CNOT1: variants seen among roughly 807,000 people sequenced by gnomAD.
CNOT1 encodes CCR4-NOT transcription complex subunit 1.
A neutral mutation model predicts 273.8 loss-of-function variants in CNOT1; 15 were observed. The observed-to-expected ratio is 0.05, with a 90% CI of 0.04 to 0.08. The LOEUF is 0.08. Among genes scored for constraint, CNOT1 ranks in the 10% least tolerant of loss-of-function variants. The pLI, the probability that CNOT1 is intolerant of heterozygous loss-of-function variation, is 1.00. For missense variants in CNOT1, 1,644 were observed against 2,912.2 expected (o/e 0.56, Z 10.02); for synonymous variants, 1,022 against 1,005.5 (o/e 1.02, Z -0.31).
intron 1 of CNOT1, 94 bp downstream of exon 1, chr16:58,629,634 C>T (rs1184886356): frequency 6.5e-6 from 1 of 152,768 alleles, no homozygotes; most frequent in African/African-American, 2.4e-5. Flanking sequence ...TTCCAGTGGC[C>T]CCAGGTCCAC....
At chr16:58,527,556 A>G (rs1406730864) in intron 44 of CNOT1, among the ~76,000 whole-genome samples, 1 of 152,064 alleles carries the variant, frequency 6.6e-6, no homozygotes, top group Non-Finnish European at 1.5e-5. Context: ...CAAATAAATA[A>G]TAATACAACA....
intron 1 of CNOT1, among the ~76,000 whole-genome samples, chr16:58,608,899 G>C (rs929628868): frequency 6.6e-6 from 1 of 152,218 alleles, no homozygotes; most frequent in African/African-American, 2.4e-5. Context: ...TCACTCATAA[G>C]TGGGAGCTAA....
At chr16:58,528,161 C>T (rs556427858) in intron 44 of CNOT1, 2 of 515,456 alleles carry the variant, frequency 3.9e-6, no homozygotes, top group African/African-American at 1.9e-5. Flanking sequence ...AATTCTTTGC[C>T]ATGTGGGGCA....
chr16:58,590,936 CAA>C (rs1259504187), intron 2 of CNOT1, among the ~76,000 whole-genome samples: 2 of 152,184 alleles, frequency 1.3e-5, no homozygotes, highest in Admixed American at 6.5e-5. Flanking sequence ...CAAATTCTCA[CAA>C]AGTCAATTTT....
At position 58,604,255 on chromosome 16, in the gene CNOT1, TAACACA is replaced by T. The variant is rs1406529994; in HGVS notation, c.-174-4750_-174-4745del. On this transcript the variant is annotated intron_variant, in intron 1 of 48. Coordinates refer to ENST00000317147, the MANE Select transcript of CNOT1 (RefSeq NM_016284.5). The stretch of plus-strand genomic sequence containing the variant: ...ATTTATAGGCCATTTTTAAATACTG[TAACACA>T]AAGCTATAGTCACTTTCCAACAAGT... Among the ~76,000 whole-genome samples the T allele has an allele frequency of 2.0e-5, 3 of 152,270 alleles. No homozygotes were observed. The East Asian group carries it at 5.8e-4, about 29-fold the overall frequency.
In CNOT1 at chr16:58,547,129, C is replaced by A; in HGVS notation, c.3750+57G>T. The stretch of plus-strand genomic sequence containing the variant: ...AAGAATATAATCTCTTGACCTCATG[C>A]TAAAACAAAGCAATGCTTAGAAATT... On this transcript the variant is annotated intron_variant, in intron 27 of 48. Transcript: ENST00000317147. This position sits in a 1 kb window ranked among gnomAD's most constrained non-coding sequence, Gnocchi z 4.0. 1 of 1,578,872 alleles carries A rather than the reference C, an allele frequency of 6.3e-7. No homozygotes were observed. The highest frequency in any genetic ancestry group is 8.6e-7 in the Non-Finnish European group (1 of 1,161,720).
chr16:58,580,204 C>T (rs1344098004), intron 12 of CNOT1, among the ~76,000 whole-genome samples: 1 of 151,786 alleles, frequency 6.6e-6, no homozygotes, highest in African/African-American at 2.4e-5. Context: ...TGCACTCCAG[C>T]CTGGGCAACA....
chr16:58,585,600 A>T, intron 7 of CNOT1, 94 bp from the exon 8 acceptor site: 1 of 1,482,692 alleles, frequency 6.7e-7, no homozygotes, highest in Non-Finnish European at 8.9e-7. Context: ...CAATTCTCTC[A>T]CAAGTTCATA....
chr16:58,579,978 G>C (rs578229045), intron 12 of CNOT1, among the ~76,000 whole-genome samples: 83 of 152,282 alleles, frequency 5.5e-4, no homozygotes, highest in African/African-American at 1.9e-3. Context: ...GAGAGACCGA[G>C]GCGGATGGAT....
chr16:58,562,184 CAAAA>C, intron 16 of CNOT1, among the ~76,000 whole-genome samples: 1 of 139,712 alleles, frequency 7.2e-6, no homozygotes, highest in African/African-American at 2.6e-5. Context: ...GACTCCGTAT[CAAAA>C]AAAAAAAAAG....
intron 1 of CNOT1, among the ~76,000 whole-genome samples, chr16:58,626,279 G>A (rs944918475): frequency 6.6e-6 from 1 of 151,810 alleles, no homozygotes; most frequent in African/African-American, 2.4e-5. Flanking sequence ...GTGGTGGCAG[G>A]CACCTGTAAT....
rs190022788 is a variant in CNOT1, at chr16:58,604,444, T to C, written c.-174-4933A>G. On this transcript the variant is annotated intron_variant, in intron 1 of 48. Transcript: ENST00000317147. ...GCTCTTTACATGCCAGGGACTCAGA[T>C]AGTTTTAATGATTAACTTCATATCC... 8.4e-4 allele frequency among the ~76,000 whole-genome samples: 128 copies of C among 152,152 alleles called. No homozygotes were observed. In the East Asian group the frequency reaches 0.017, roughly 20 times the overall value.
chr16:58,579,592 A>C (rs2041583543), intron 12 of CNOT1, among the ~76,000 whole-genome samples: 1 of 152,200 alleles, frequency 6.6e-6, no homozygotes, highest in African/African-American at 2.4e-5. Flanking sequence ...CTAAGAAAAG[A>C]ACACACCACC....
chr16:58,528,709 A>G lies in CNOT1; in HGVS notation c.6280-61T>C. ...AAGGAAAATGGAGTAACATTTTCCT[A>G]TTGTAACTTAAGCCCCCCACCCCCC... On this transcript the variant is annotated intron_variant, in intron 43 of 48. Coordinates refer to ENST00000317147, the MANE Select transcript of CNOT1 (RefSeq NM_016284.5). 10 of 1,248,012 alleles carry G rather than the reference A, an allele frequency of 8.0e-6. No individual in the cohort carries two copies. In the South Asian group the frequency reaches 1.4e-4, roughly 18 times the overall value. The allele number at this position is 1,248,012 out of a possible 1,614,324, so 77.3% of individuals were successfully genotyped here.
intron 46 of CNOT1, chr16:58,523,738 C>G: frequency 2.8e-6 from 1 of 355,594 alleles, no homozygotes; most frequent in Non-Finnish European, 5.1e-6. Flanking sequence ...CCACTATGTG[C>G]TAATGTAAGA....
In CNOT1 at chr16:58,534,353, T is replaced by C. The variant is rs1274958523; in HGVS notation, c.5689A>G (p.Arg1897Gly). The C allele has an allele frequency of 6.2e-7, 1 of 1,614,158 alleles. No homozygotes were observed. Among genetic ancestry groups the C allele is most frequent in the Non-Finnish European group, 8.5e-7 (1 of 1,180,034 alleles). Residue 1897 changes from arginine to glycine, a missense_variant, in exon 40 of 49, where the codon AGG (arginine) becomes GGG (glycine). By Grantham distance (125) the Arg-to-Gly change is moderately radical (BLOSUM62 -2). This residue lies in a region of CNOT1 where 133 missense variants were observed against 328.2 expected (regional missense o/e 0.41). Transcript: ENST00000317147. The part of the protein sequence containing the change: ...GILKTDDLIT[R>G]FFRLCTEMCV... ...ATTTCAGTACACAGACGAAAGAACC[T>C]TGTTATGAGATCATCGGTCTTCAGT... is the stretch of plus-strand genomic sequence containing the variant.
At chr16:58,521,068 T>C (rs2039350630) in intron 48 of CNOT1, 32 bp from the exon 49 acceptor site, 1 of 1,613,920 alleles carries the variant, frequency 6.2e-7, no homozygotes, top group African/African-American at 1.3e-5. Flanking sequence ...AAATCTCTGA[T>C]TAAAGAGTAG....
intron 7 of CNOT1, among the ~76,000 whole-genome samples, chr16:58,585,732 T>C (rs2041811289): frequency 6.6e-6 from 1 of 152,196 alleles, no homozygotes; most frequent in Non-Finnish European, 1.5e-5. Context: ...CTTTAACATT[T>C]GACACTGGCA....
chr16:58,622,921 G>C (rs1294131731), intron 1 of CNOT1, among the ~76,000 whole-genome samples: 6 of 151,514 alleles, frequency 4.0e-5, no homozygotes, highest in Admixed American at 6.6e-5. Flanking sequence ...CTTTTGGCTG[G>C]GTGCAGTGGC....
Sources: allele counts gnomAD v4.1 joint callset (sites outside exome capture counted in the v4.1 genomes callset), GRCh38; gene constraint gnomAD v4.1.1; regional missense constraint gnomAD v4.1.1; non-coding constraint Gnocchi (gnomAD v3.1); transcripts MANE v1.5; gene names NCBI Gene and HGNC (gene_info 2026-07-23, HGNC 2026-07-21).